PDE7B: variants seen among roughly 807,000 people sequenced by gnomAD.
The protein encoded by PDE7B is phosphodiesterase 7B, also known as 3',5'-cyclic-AMP phosphodiesterase 7B.
In PDE7B, 29 loss-of-function variants were observed where a neutral mutation model predicts 56.2. The observed-to-expected ratio is 0.52, with a 90% CI of 0.38 to 0.70. PDE7B has a LOEUF of 0.70. Ranked by LOEUF, PDE7B falls within the 30% of genes least tolerant of loss-of-function variation. The pLI, the probability that PDE7B is intolerant of heterozygous loss-of-function variation, is 0.00. For missense variants in PDE7B, 490 were observed against 565.0 expected (o/e 0.87, Z 1.35); for synonymous variants, 197 against 196.9 (o/e 1.00, Z 0.00).
intron 2 of PDE7B, among the ~76,000 whole-genome samples, chr6:136,021,469 A>AC (rs1389794961): frequency 1.3e-5 from 2 of 151,662 alleles, no homozygotes; most frequent in East Asian, 1.9e-4. Context: ...ACATGATGAG[A>AC]CCCCATCTCT....
intron 2 of PDE7B, among the ~76,000 whole-genome samples, chr6:135,960,437 T>A (rs1774880082): frequency 6.6e-6 from 1 of 152,210 alleles, no homozygotes; most frequent in African/African-American, 2.4e-5. Flanking sequence ...CATTAGTAAG[T>A]ATGAACCAAC....
At chr6:135,904,397 C>G (rs1322816286) in intron 1 of PDE7B, among the ~76,000 whole-genome samples, 1 of 152,158 alleles carries the variant, frequency 6.6e-6, no homozygotes, top group East Asian at 1.9e-4. Context: ...CACCCTAACA[C>G]AGAGCCCACT....
At chr6:135,884,021 T>TAG (rs1775657921) in intron 1 of PDE7B, among the ~76,000 whole-genome samples, 1 of 152,218 alleles carries the variant, frequency 6.6e-6, no homozygotes. Flanking sequence ...AATATGACTA[T>TAG]ATTTTATAAA....
chr6:136,109,777 A>G (rs2128218019), intron 3 of PDE7B, among the ~76,000 whole-genome samples: 1 of 152,292 alleles, frequency 6.6e-6, no homozygotes, highest in African/African-American at 2.4e-5. Flanking sequence ...CATGCCTTAT[A>G]ACGATCATAA....
At chr6:136,125,873 C>T (rs778333982) in intron 3 of PDE7B, among the ~76,000 whole-genome samples, 17 of 152,182 alleles carry the variant, frequency 1.1e-4, no homozygotes, top group African/African-American at 4.1e-4. Flanking sequence ...CCCTCTCAGA[C>T]CCAATGCCTC....
intron 2 of PDE7B, among the ~76,000 whole-genome samples, chr6:136,018,064 A>C (rs542252817): frequency 1.3e-5 from 2 of 152,224 alleles, no homozygotes; most frequent in Non-Finnish European, 2.9e-5. Context: ...AGCGTCAAAC[A>C]GTAATTTGGG....
In PDE7B at chr6:136,105,299, G is replaced by A. The variant is rs141747405; in HGVS notation, c.83-3432G>A. On this transcript the variant is annotated intron_variant, in intron 2 of 12. Coordinates refer to ENST00000308191, the MANE Select transcript of PDE7B (RefSeq NM_018945.4). ...AAACAGCAATCAAAGCATACATTACGTAAGAAAAAGTTAATGCTGACCTGT... is the reference window on the plus strand; with the variant it reads ...AAACAGCAATCAAAGCATACATTACATAAGAAAAAGTTAATGCTGACCTGT... Among the ~76,000 whole-genome samples the A allele has an allele frequency of 2.8e-4, 42 of 152,216 alleles. No homozygotes were observed. The East Asian group carries it at 3.3e-3, about 12-fold the overall frequency.
intron 2 of PDE7B, among the ~76,000 whole-genome samples, chr6:136,085,438 T>C (rs1777276153): frequency 6.6e-6 from 1 of 152,202 alleles, no homozygotes; most frequent in Non-Finnish European, 1.5e-5. Flanking sequence ...TTAATCTGTT[T>C]TGAAATGTGT....
chr6:136,102,375 C>T (rs1332088089), intron 2 of PDE7B, among the ~76,000 whole-genome samples: 3 of 152,164 alleles, frequency 2.0e-5, no homozygotes, highest in Non-Finnish European at 2.9e-5. Context: ...GTGCCAGGCA[C>T]TGTGCTAAGC....
chr6:135,891,287 G>T (rs1396186729), intron 1 of PDE7B, among the ~76,000 whole-genome samples: 2 of 152,172 alleles, frequency 1.3e-5, no homozygotes, highest in African/African-American at 2.4e-5. Context: ...ATTAGAAAAA[G>T]AATCTGAAAG....
chr6:136,184,365 G>C (rs1220613270), intron 11 of PDE7B, among the ~76,000 whole-genome samples: 1 of 152,206 alleles, frequency 6.6e-6, no homozygotes, highest in East Asian at 1.9e-4. Flanking sequence ...TTGAAAGGTA[G>C]AATCTGAGCT....
At chr6:136,167,630 G>T (rs1778816323) in intron 8 of PDE7B, among the ~76,000 whole-genome samples, 1 of 152,174 alleles carries the variant, frequency 6.6e-6, no homozygotes, top group Non-Finnish European at 1.5e-5. Context: ...TCAGTAGCAT[G>T]AAAACGGACT....
intron 1 of PDE7B, among the ~76,000 whole-genome samples, chr6:135,929,854 G>A (rs539062309): frequency 2.5e-4 from 38 of 152,290 alleles, no homozygotes; most frequent in Non-Finnish European, 4.1e-4. Flanking sequence ...CAGATAAGGG[G>A]AAGCTCCTAA....
intron 1 of PDE7B, among the ~76,000 whole-genome samples, chr6:135,866,971 G>A (rs1393774408): frequency 6.6e-6 from 1 of 152,174 alleles, no homozygotes; most frequent in Admixed American, 6.5e-5. Context: ...CTGGCGGTTT[G>A]TCAGCTTTTC....
chr6:136,186,313 A>G (rs1466442927), intron 11 of PDE7B, among the ~76,000 whole-genome samples: 1 of 152,112 alleles, frequency 6.6e-6, no homozygotes, highest in Non-Finnish European at 1.5e-5. Context: ...CTGTAGTCCA[A>G]GCTACTTGGG....
chr6:136,191,848 C>T lies in PDE7B; in HGVS notation c.*8C>T, dbSNP rs2128452894. On this transcript the variant is annotated 3_prime_UTR_variant, in exon 13 of 13. Transcript: ENST00000308191. ...GAAGGCGACAGCCCCTAGGGGCCGG[C>T]CCAACTTAGACGCGGCTCTCCTCCG... 2 of 1,545,874 alleles carry T rather than the reference C, an allele frequency of 1.3e-6. No homozygotes were observed. The highest frequency in any genetic ancestry group is 1.4e-5 in the African/African-American group (1 of 73,038).
chr6:136,108,125 C>CAAAAAAAA (rs60727586), intron 2 of PDE7B, among the ~76,000 whole-genome samples: 13 of 108,630 alleles, frequency 1.2e-4, no homozygotes, highest in African/African-American at 5.0e-4. Flanking sequence ...GACTCCATGT[C>CAAAAAAAA]AAAAAAAAAA....
intron 3 of PDE7B, among the ~76,000 whole-genome samples, chr6:136,133,749 C>G (rs925447109): frequency 6.6e-5 from 10 of 152,264 alleles, no homozygotes; most frequent in African/African-American, 1.2e-4. Context: ...AGCTAAGTTA[C>G]TGCAATACTA....
At chr6:136,054,847 G>A (rs569529720) in intron 2 of PDE7B, among the ~76,000 whole-genome samples, 1 of 152,288 alleles carries the variant, frequency 6.6e-6, no homozygotes, top group South Asian at 2.1e-4. Context: ...CTTACATGAT[G>A]GCAGGCAAAG....
Sources: gnomAD v4.1 joint callset for allele counts (sites outside exome capture counted in the v4.1 genomes callset) on GRCh38, gnomAD v4.1.1 for gene constraint, MANE v1.5 for transcripts, NCBI Gene and HGNC (gene_info 2026-07-23, HGNC 2026-07-21) for gene names.